TNKS: variants seen among roughly 807,000 people sequenced by gnomAD.
The protein encoded by TNKS is poly [ADP-ribose] polymerase tankyrase-1.
In TNKS, 72 loss-of-function variants were observed where a neutral mutation model predicts 135.8. That is an observed-to-expected ratio of 0.53 (90% CI 0.44 to 0.64). The LOEUF (loss-of-function observed/expected upper bound fraction) is 0.64. Among genes scored for constraint, TNKS ranks in the 30% least tolerant of loss-of-function variants. The probability of loss-of-function intolerance (pLI) is 0.00; values close to 1 mark genes in which losing one functional copy is unlikely to be tolerated. For missense variants in TNKS, 1,769 were observed against 1,674.0 expected, an observed-to-expected ratio of 1.06 and a Z score of -0.99; for synonymous variants, 849 against 649.3, an observed-to-expected ratio of 1.31 and a Z score of -4.68.
intron 14 of TNKS, 30 bp from the exon 15 acceptor site, chr8:9,733,249 A>C: frequency 6.5e-7 from 1 of 1,529,614 alleles, no homozygotes; most frequent in Non-Finnish European, 8.7e-7. Context: ...GGTTTGTTTT[A>C]TGACTTTAAA....
At chr8:9,576,110 G>A (rs569312133) in intron 1 of TNKS, among the ~76,000 whole-genome samples, 1 of 152,256 alleles carries the variant, frequency 6.6e-6, no homozygotes, top group East Asian at 1.9e-4. Flanking sequence ...TGACAGAGCA[G>A]AATGAAATTA....
chr8:9,752,541 T>C lies in TNKS; in HGVS notation c.3071-3T>C. On this transcript the variant is annotated splice_region_variant and splice_polypyrimidine_tract_variant and intron_variant, in intron 19 of 26. Coordinates refer to ENST00000310430, the MANE Select transcript of TNKS (RefSeq NM_003747.3). ...GAGAATCTTTAATATGTTTCTGTTT[T>C]AGTTGCTGGTCTTGACATGAATATC... The C allele has an allele frequency of 6.2e-7, 1 of 1,607,860 alleles. No individual in the cohort carries two copies. Among genetic ancestry groups the C allele is most frequent in the Non-Finnish European group, 8.5e-7 (1 of 1,175,822 alleles).
At chr8:9,586,384 T>C (rs1429061680) in intron 2 of TNKS, among the ~76,000 whole-genome samples, 1 of 152,170 alleles carries the variant, frequency 6.6e-6, no homozygotes, top group Non-Finnish European at 1.5e-5. Flanking sequence ...GTTCAGAACT[T>C]CAATTGATTA....
chr8:9,580,466 A>T, intron 2 of TNKS, 83 bp downstream of exon 2: 3 of 1,250,372 alleles, frequency 2.4e-6, no homozygotes, highest in Non-Finnish European at 2.2e-6. Context: ...TTTCCTGAGA[A>T]TAGGTAAGGA....
At chr8:9,726,861 T>C (rs775246658) in intron 13 of TNKS, 141 bp downstream of exon 13, 3 of 673,006 alleles carry the variant, frequency 4.5e-6, no homozygotes, top group Non-Finnish European at 7.7e-6. Context: ...TCTGTACTAC[T>C]ATTAAGGAAT....
At chr8:9,628,677 C>G (rs1013144000) in intron 3 of TNKS, among the ~76,000 whole-genome samples, 3 of 152,140 alleles carry the variant, frequency 2.0e-5, no homozygotes, top group African/African-American at 7.2e-5. Context: ...TAAATGGCAT[C>G]TATGTGCTAA....
intron 5 of TNKS, among the ~76,000 whole-genome samples, chr8:9,683,251 A>C (rs1017415533): frequency 1.3e-5 from 2 of 151,892 alleles, no homozygotes; most frequent in Non-Finnish European, 2.9e-5. Context: ...GTTTGTTTTT[A>C]TTTTCTTCCT....
chr8:9,610,145 C>T (rs568836496), intron 2 of TNKS, among the ~76,000 whole-genome samples: 27 of 150,784 alleles, frequency 1.8e-4, no homozygotes, highest in Non-Finnish European at 3.2e-4. Context: ...ACATGAGCTA[C>T]TGCGCCCGGC....
Position 9,748,839 on chromosome 8 carries a change from C to A in TNKS, c.2832+627C>A, listed in dbSNP as rs138847286. ...GATTCTGTATGTTGGCTAGGAGATT[C>A]TTCTGGTCTTACCTGGGGTCACTTG... is the stretch of plus-strand genomic sequence containing the variant. On this transcript the variant is annotated intron_variant, in intron 18 of 26. Transcript: ENST00000310430. 1.6e-4 allele frequency among the ~76,000 whole-genome samples: 24 copies of A among 152,224 alleles called. 1 individual carries two copies. Among genetic ancestry groups the A allele is most frequent in the African/African-American group, 4.1e-4 (17 of 41,534 alleles).
chr8:9,764,800 T>C lies in TNKS; in HGVS notation c.3447+10T>C. The C allele has an allele frequency of 6.3e-7, 1 of 1,582,124 alleles. No homozygotes were observed. The highest frequency in any genetic ancestry group is 8.6e-7 in the Non-Finnish European group (1 of 1,166,402). ...ATACAATGTCATTCGAGTAAGTTTT[T>C]AAAGTTTCATGGTGAAAACTGGATT... On this transcript the variant is annotated intron_variant, in intron 23 of 26. Coordinates refer to ENST00000310430, the MANE Select transcript of TNKS (RefSeq NM_003747.3).
At chr8:9,556,800 A>G (rs1585162000) in intron 1 of TNKS, 188 bp downstream of exon 1, 1 of 570,672 alleles carries the variant, frequency 1.8e-6, no homozygotes, top group Non-Finnish European at 3.0e-6. Context: ...GTTGGGGGGG[A>G]TAAGTGAATC....
chr8:9,609,770 A>G (rs1218995573), intron 2 of TNKS, among the ~76,000 whole-genome samples: 1 of 152,240 alleles, frequency 6.6e-6, no homozygotes, highest in Non-Finnish European at 1.5e-5. Flanking sequence ...CCGTTACTGA[A>G]AACAGAAAAT....
chr8:9,657,856 C>G (rs1473240095), intron 3 of TNKS, among the ~76,000 whole-genome samples: 4 of 147,150 alleles, frequency 2.7e-5, no homozygotes, highest in Non-Finnish European at 6.0e-5. Flanking sequence ...GGGCAGCTGC[C>G]GGGCGGAGGG....
intron 21 of TNKS, among the ~76,000 whole-genome samples, 157 bp from the exon 22 acceptor site, chr8:9,762,990 A>C (rs1012228202): frequency 2.0e-5 from 3 of 151,692 alleles, no homozygotes; most frequent in East Asian, 3.9e-4. Flanking sequence ...TATTTGTTTA[A>C]AGTAACCGAA....
chr8:9,712,092 G>T (rs1804363319), intron 11 of TNKS, among the ~76,000 whole-genome samples: 1 of 152,168 alleles, frequency 6.6e-6, no homozygotes. Flanking sequence ...GATTGAGTAG[G>T]CATAGTTAAC....
chr8:9,747,902 T>G (rs1806317479), intron 17 of TNKS, 122 bp from the exon 18 acceptor site: 2 of 950,206 alleles, frequency 2.1e-6, no homozygotes, highest in Non-Finnish European at 1.5e-6. Context: ...AGAAGAAACT[T>G]CTGTTAAGGA....
At chr8:9,706,601 A>G (rs1804059367) in intron 7 of TNKS, among the ~76,000 whole-genome samples, 1 of 152,216 alleles carries the variant, frequency 6.6e-6, no homozygotes, top group Non-Finnish European at 1.5e-5. Flanking sequence ...TTAAGAGAAT[A>G]AAATACGTTT....
chr8:9,620,548 A>G lies in TNKS; in HGVS notation c.994+4871A>G, dbSNP rs576970797. 1.3e-5 allele frequency among the ~76,000 whole-genome samples: 2 copies of G among 152,152 alleles called. 1 individual carries two copies. Among genetic ancestry groups the G allele is most frequent in the Non-Finnish European group, 2.9e-5 (2 of 68,022 alleles). On this transcript the variant is annotated intron_variant, in intron 3 of 26. Transcript: ENST00000310430. ...CTCTGAATAAAATTCAGATTCTTTAACAGTGGCCTGTCCTGATCTGGCTCC... is the reference window on the plus strand; with the variant it reads ...CTCTGAATAAAATTCAGATTCTTTAGCAGTGGCCTGTCCTGATCTGGCTCC...
intron 2 of TNKS, among the ~76,000 whole-genome samples, chr8:9,594,521 C>T (rs975483084): frequency 1.4e-4 from 22 of 152,134 alleles, no homozygotes; most frequent in African/African-American, 5.3e-4. Context: ...TTCTGTTGGA[C>T]AGTGCTGTTA....
Sources: allele counts gnomAD v4.1 joint callset (sites outside exome capture counted in the v4.1 genomes callset), GRCh38; gene constraint gnomAD v4.1.1; transcripts MANE v1.5; gene names NCBI Gene and HGNC (gene_info 2026-07-23, HGNC 2026-07-21).